MCC: variants seen among roughly 807,000 people sequenced by gnomAD.
The protein encoded by MCC is colorectal mutant cancer protein.
MCC carries 90 observed loss-of-function variants against 116.2 expected under a neutral mutation model. That is an observed-to-expected ratio of 0.77 (90% confidence interval 0.65 to 0.92). MCC has a LOEUF of 0.92. Ranked by LOEUF, MCC falls within the 40% of genes least tolerant of loss-of-function variation. The pLI is 0.00. For missense variants in MCC, 1,516 were observed against 1,312.2 expected, an observed-to-expected ratio of 1.16 and a Z score of -2.40; for synonymous variants, 578 against 510.5, an observed-to-expected ratio of 1.13 and a Z score of -1.78.
chr5:113,188,925 ATG>A (rs1216847301), intron 3 of MCC, among the ~76,000 whole-genome samples: 1 of 152,244 alleles, frequency 6.6e-6, no homozygotes, highest in Admixed American at 6.5e-5. Flanking sequence ...GCTAACATAA[ATG>A]AGAAATGGAT....
At chr5:113,108,453 G>C (rs1756884323) in intron 6 of MCC, among the ~76,000 whole-genome samples, 2 of 150,640 alleles carry the variant, frequency 1.3e-5, no homozygotes, top group South Asian at 4.2e-4. Context: ...AGGAGTTTGA[G>C]ACCAGCCTGA....
intron 3 of MCC, among the ~76,000 whole-genome samples, chr5:113,285,259 CTTCT>C (rs1231074732): frequency 6.6e-6 from 1 of 152,104 alleles, no homozygotes; most frequent in Non-Finnish European, 1.5e-5. Flanking sequence ...CTGAAAATAC[CTTCT>C]TTAACTGGCT....
At position 113,088,109 on chromosome 5, in the gene MCC, A is replaced by G. The variant is rs113919501; in HGVS notation, c.1399-2799T>C. Among the ~76,000 whole-genome samples the G allele has an allele frequency of 2.5e-3, 386 of 152,328 alleles. 2 individuals carry two copies. Among genetic ancestry groups the G allele is most frequent in the Middle Eastern group, 0.01 (3 of 294 alleles). On this transcript the variant is annotated intron_variant, in intron 8 of 18. Transcript: ENST00000408903. Reference sequence around the variant, plus strand: ...AGAATGTCTTTAAAAACTAAAGATGATAAACATGTTTATTTTGGGCTATGC... The same window carrying G: ...AGAATGTCTTTAAAAACTAAAGATGGTAAACATGTTTATTTTGGGCTATGC...
At chr5:113,133,517 C>G (rs1407887291) in intron 5 of MCC, among the ~76,000 whole-genome samples, 2 of 151,468 alleles carry the variant, frequency 1.3e-5, no homozygotes, top group African/African-American at 4.9e-5. Context: ...GTATCTTCAT[C>G]TATTCATCTG....
intron 2 of MCC, among the ~76,000 whole-genome samples, chr5:113,344,473 A>G (rs1205436937): frequency 6.6e-6 from 1 of 151,960 alleles, no homozygotes; most frequent in Non-Finnish European, 1.5e-5. Flanking sequence ...GAGGGCTTGC[A>G]TTACCCCACC....
At chr5:113,081,957 A>G (rs149492028) in intron 11 of MCC, among the ~76,000 whole-genome samples, 176 of 152,274 alleles carry the variant, frequency 1.2e-3, no homozygotes, top group African/African-American at 4.0e-3. Flanking sequence ...AATTCTTACA[A>G]TGCTCTCCCA....
At chr5:113,165,517 G>A (rs115648651) in intron 3 of MCC, among the ~76,000 whole-genome samples, 4 of 152,096 alleles carry the variant, frequency 2.6e-5, no homozygotes, top group African/African-American at 9.7e-5. Flanking sequence ...GCTGCAGATG[G>A]GATAGCTAAG....
At chr5:113,392,597 A>C (rs1306714014) in intron 1 of MCC, among the ~76,000 whole-genome samples, 1 of 152,186 alleles carries the variant, frequency 6.6e-6, no homozygotes, top group African/African-American at 2.4e-5. Context: ...TTTATGCATA[A>C]ATGGAGGAGA....
At chr5:113,056,576 G>A (rs965789265) in intron 14 of MCC, among the ~76,000 whole-genome samples, 4 of 152,152 alleles carry the variant, frequency 2.6e-5, no homozygotes, top group African/African-American at 9.7e-5. Context: ...CTACTTGAGG[G>A]TACAGAATAG....
rs528807712 is a variant in MCC, at chr5:113,069,727, G to A, written c.1925+1367C>T. Among the ~76,000 whole-genome samples the A allele has an allele frequency of 3.9e-5, 6 of 152,160 alleles. No homozygotes were observed. In the East Asian group the frequency reaches 5.8e-4, roughly 15 times the overall value. ...CTCCTGAGTAGCTGGGACTACAGGC[G>A]TCCACCACCATGCCTGGCTAACTTT... is the stretch of plus-strand genomic sequence containing the variant. On this transcript the variant is annotated intron_variant, in intron 12 of 18. Transcript: ENST00000408903.
chr5:113,476,122 C>G (rs182965105), intron 1 of MCC, among the ~76,000 whole-genome samples: 1 of 152,200 alleles, frequency 6.6e-6, no homozygotes, highest in South Asian at 2.1e-4. Flanking sequence ...TGCACGTGAA[C>G]GAATTAGTTT....
chr5:113,171,126 G>C (rs1033493170), intron 3 of MCC, among the ~76,000 whole-genome samples: 5 of 151,980 alleles, frequency 3.3e-5, no homozygotes, highest in African/African-American at 1.2e-4. Context: ...GAAAGCTCCT[G>C]AGTCAAGTTT....
At chr5:113,243,554 C>A (rs1281948731) in intron 3 of MCC, among the ~76,000 whole-genome samples, 1 of 152,230 alleles carries the variant, frequency 6.6e-6, no homozygotes, top group Non-Finnish European at 1.5e-5. Context: ...TAATCTGAGC[C>A]ATGGGCCTCC....
intron 3 of MCC, among the ~76,000 whole-genome samples, chr5:113,269,008 G>C (rs1046940489): frequency 1.3e-5 from 2 of 152,052 alleles, no homozygotes; most frequent in Non-Finnish European, 2.9e-5. Flanking sequence ...AGGTATCAAA[G>C]GAACAAAAGA....
At chr5:113,290,420 T>C (rs1220024059) in intron 3 of MCC, among the ~76,000 whole-genome samples, 2 of 152,218 alleles carry the variant, frequency 1.3e-5, no homozygotes, top group Non-Finnish European at 2.9e-5. Context: ...TAAGAATATT[T>C]TTTCATCTCC....
intron 3 of MCC, among the ~76,000 whole-genome samples, chr5:113,310,709 A>G (rs1767116627): frequency 6.6e-6 from 1 of 152,222 alleles, no homozygotes; most frequent in African/African-American, 2.4e-5. Context: ...ATAAAAGCTA[A>G]CCCTGAAATG....
intron 1 of MCC, among the ~76,000 whole-genome samples, chr5:113,487,165 A>G (rs922933214): frequency 4.6e-5 from 7 of 151,418 alleles, no homozygotes; most frequent in Non-Finnish European, 1.0e-4. Flanking sequence ...AATTTTTTTT[A>G]TTTTAAGGGA....
At chr5:113,217,409 T>C (rs1249778305) in intron 3 of MCC, among the ~76,000 whole-genome samples, 3 of 152,190 alleles carry the variant, frequency 2.0e-5, no homozygotes, top group African/African-American at 7.2e-5. Flanking sequence ...AAGGACAATA[T>C]TAAGTTGATT....
intron 1 of MCC, among the ~76,000 whole-genome samples, chr5:113,477,884 C>T (rs1288698173): frequency 6.6e-6 from 1 of 152,122 alleles, no homozygotes; most frequent in Admixed American, 6.6e-5. Flanking sequence ...ATCTGGCATC[C>T]AATTAAATGT....
Sources: allele counts gnomAD v4.1 joint callset (sites outside exome capture counted in the v4.1 genomes callset), GRCh38; gene constraint gnomAD v4.1.1; transcripts MANE v1.5; gene names NCBI Gene and HGNC (gene_info 2026-07-23, HGNC 2026-07-21).